The following ITGA6 variants were observed in gnomAD, a reference collection of about 807,000 sequenced individuals.
The protein encoded by ITGA6 is integrin alpha-6.
In ITGA6, 63 loss-of-function variants were observed where a neutral mutation model predicts 133.6. The observed-to-expected ratio is 0.47, with a 90% CI of 0.38 to 0.58. ITGA6 has a LOEUF of 0.58. Ranked by LOEUF, ITGA6 falls within the 20% of genes least tolerant of loss-of-function variation. ITGA6 has a pLI of 0.00. For missense variants in ITGA6, 1,068 were observed against 1,309.4 expected (o/e 0.82, Z 2.85); for synonymous variants, 434 against 482.0 (o/e 0.90, Z 1.30).
intron 1 of ITGA6, among the ~76,000 whole-genome samples, chr2:172,446,342 T>G (rs1684767273): frequency 6.6e-6 from 1 of 152,242 alleles, no homozygotes; most frequent in South Asian, 2.1e-4. Flanking sequence ...ATGAACTATT[T>G]GATAACAGGT....
chr2:172,466,540 A>C (rs1042843504), intron 2 of ITGA6, among the ~76,000 whole-genome samples: 1 of 152,164 alleles, frequency 6.6e-6, no homozygotes, highest in Non-Finnish European at 1.5e-5. Context: ...GAATTGTTTG[A>C]ACCTGGGAGG....
upstream of ITGA6, chr2:172,427,549 C>G (rs564668995): frequency 2.5e-6 from 3 of 1,189,792 alleles, no homozygotes; most frequent in African/African-American, 5.1e-5. Flanking sequence ...CCGGCGTCCT[C>G]GTCACTTGAT....
At chr2:172,464,075 G>A (rs1015746828) in intron 1 of ITGA6, among the ~76,000 whole-genome samples, 1 of 152,144 alleles carries the variant, frequency 6.6e-6, no homozygotes, top group African/African-American at 2.4e-5. Flanking sequence ...TGGGTTTGGA[G>A]GTGGGGGCTG....
Position 172,504,858 on chromosome 2 carries a change from G to C in ITGA6, c.*790G>C, listed in dbSNP as rs1408070346. The C allele has an allele frequency of 6.6e-6, 1 of 152,654 alleles. No individual in the cohort carries two copies. The highest frequency in any genetic ancestry group is 6.5e-5 in the Admixed American group (1 of 15,278). The allele number at this position is 152,654 out of a possible 1,614,324, so 9.5% of individuals were successfully genotyped here. A position where few individuals can be genotyped will look rare whatever the true frequency, so the allele number is the denominator to read the frequency against. On this transcript the variant is annotated 3_prime_UTR_variant, in exon 26 of 26. Coordinates refer to ENST00000684293, the MANE Select transcript of ITGA6 (RefSeq NM_000210.4). ...CTCCCTTTCACTAAAACACACAGGTGCAACAGACTTGAATGCTAGTTATAC... is the reference window on the plus strand; with the variant it reads ...CTCCCTTTCACTAAAACACACAGGTCCAACAGACTTGAATGCTAGTTATAC...
Position 172,491,383 on chromosome 2 carries a change from G to A in ITGA6, c.2890-42G>A, listed in dbSNP as rs374023921. 5.1e-6 allele frequency: 8 copies of A among 1,580,420 alleles called. No individual in the cohort carries two copies. The East Asian group carries it at 1.8e-4, about 35-fold the overall frequency. ...ATGGAAGTAATTTGCCTTTGCCTAG[G>A]ACACTTTTCACTTCCCTAATGCATT... On this transcript the variant is annotated intron_variant, in intron 22 of 25. Transcript: ENST00000684293. The surrounding 1 kb of genome is among the most constrained non-coding windows in gnomAD (Gnocchi z 4.4).
intron 11 of ITGA6, among the ~76,000 whole-genome samples, chr2:172,480,276 G>A (rs1284032573): frequency 3.3e-5 from 5 of 152,212 alleles, no homozygotes; most frequent in Non-Finnish European, 7.3e-5. Context: ...AGAGCAGATG[G>A]TTTAGGACAG....
At chr2:172,487,885 C>T in intron 17 of ITGA6, 76 bp from the exon 18 acceptor site, 1 of 1,491,846 alleles carries the variant, frequency 6.7e-7, no homozygotes, top group East Asian at 2.3e-5. Context: ...CCTGATCTAC[C>T]TCATAAAAGA....
At chr2:172,477,314 A>G in intron 9 of ITGA6, among the ~76,000 whole-genome samples, 1 of 152,158 alleles carries the variant, frequency 6.6e-6, no homozygotes, top group East Asian at 1.9e-4. Flanking sequence ...CAGCGCTTTC[A>G]TCACTGCTGG....
intron 1 of ITGA6, among the ~76,000 whole-genome samples, chr2:172,435,611 T>G (rs972793511): frequency 1.0e-4 from 15 of 147,980 alleles, no homozygotes; most frequent in African/African-American, 3.6e-4. Context: ...CCAAGAGTTT[T>G]GTTTCTTTTT....
chr2:172,441,403 A>T (rs3762620), intron 1 of ITGA6, among the ~76,000 whole-genome samples: 21,602 of 151,748 alleles, frequency 0.14, 1,818 homozygotes, highest in Non-Finnish European at 0.18. Flanking sequence ...TTTAAAATAA[A>T]TCTAAACTCA....
intron 1 of ITGA6, among the ~76,000 whole-genome samples, chr2:172,441,597 C>CAAAAAAAAA (rs1684547284): frequency 2.8e-4 from 26 of 94,198 alleles, no homozygotes; most frequent in African/African-American, 8.1e-4. Context: ...AAAAAAAAAT[C>CAAAAAAAAA]AAACCTCAGT....
intron 5 of ITGA6, among the ~76,000 whole-genome samples, 160 bp downstream of exon 5, chr2:172,471,265 C>T (rs1333051028): frequency 2.0e-5 from 3 of 152,096 alleles, no homozygotes; most frequent in Non-Finnish European, 4.4e-5. Flanking sequence ...GATCTAGAGG[C>T]GTTAAACCGA....
chr2:172,472,502 G>C (rs1685985272), intron 5 of ITGA6, among the ~76,000 whole-genome samples: 1 of 152,162 alleles, frequency 6.6e-6, no homozygotes. Flanking sequence ...CTTTTAGAAT[G>C]GATTTCCTCA....
At chr2:172,437,778 A>T (rs747512874) in intron 1 of ITGA6, among the ~76,000 whole-genome samples, 1 of 151,968 alleles carries the variant, frequency 6.6e-6, no homozygotes, top group African/African-American at 2.4e-5. Context: ...CCTGAGCCCT[A>T]TGGTGTTCTT....
At chr2:172,492,614 C>G (rs565957046) in intron 23 of ITGA6, among the ~76,000 whole-genome samples, 3 of 151,962 alleles carry the variant, frequency 2.0e-5, no homozygotes, top group Non-Finnish European at 4.4e-5. Context: ...TGTAGTGAAC[C>G]AATAGTGAGG....
intron 1 of ITGA6, among the ~76,000 whole-genome samples, chr2:172,441,273 TA>T (rs1205019980): frequency 1.3e-5 from 2 of 152,198 alleles, no homozygotes; most frequent in Non-Finnish European, 2.9e-5. Flanking sequence ...GCTGTCAGAA[TA>T]AAAGCTTACT....
Position 172,506,223 on chromosome 2 carries a change from T to C in ITGA6, c.*2155T>C, listed in dbSNP as rs1044861229. Reference sequence around the variant, plus strand: ...TTGTTTCGTAACACAGCATTGTATATGTGAAGCAAACTCTAAAATTATAAA... The same window carrying C: ...TTGTTTCGTAACACAGCATTGTATACGTGAAGCAAACTCTAAAATTATAAA... On this transcript the variant is annotated 3_prime_UTR_variant, in exon 26 of 26. Coordinates refer to ENST00000684293, the MANE Select transcript of ITGA6 (RefSeq NM_000210.4). The C allele has an allele frequency of 6.6e-6, 1 of 152,660 alleles. No homozygotes were observed. Among genetic ancestry groups the C allele is most frequent in the Non-Finnish European group, 1.5e-5 (1 of 68,044 alleles). 9.5% of individuals were successfully genotyped at this position (152,660 alleles called of 1,614,324 possible). A position where few individuals can be genotyped will look rare whatever the true frequency, so the allele number is the denominator to read the frequency against.
chr2:172,490,186 G>A (rs565308676), intron 20 of ITGA6, among the ~76,000 whole-genome samples: 53 of 152,210 alleles, frequency 3.5e-4, no homozygotes, highest in African/African-American at 1.1e-3. Flanking sequence ...CTATGAGGGC[G>A]TTTCATTATC....
chr2:172,452,862 A>T (rs1484116495), intron 1 of ITGA6, among the ~76,000 whole-genome samples: 1 of 152,176 alleles, frequency 6.6e-6, no homozygotes, highest in East Asian at 1.9e-4. Flanking sequence ...TGGTGTGGGT[A>T]TTTGGAGTAA....
Sources: gnomAD v4.1 joint callset for allele counts (sites outside exome capture counted in the v4.1 genomes callset) on GRCh38, gnomAD v4.1.1 for gene constraint, Gnocchi (gnomAD v3.1) non-coding constraint, MANE v1.5 for transcripts, NCBI Gene and HGNC (gene_info 2026-07-23, HGNC 2026-07-21) for gene names.